TXNRD1: variants seen among roughly 807,000 people sequenced by gnomAD.
TXNRD1 encodes thioredoxin reductase 1.
Under a neutral mutation model 80.3 loss-of-function variants are expected in TXNRD1, and 57 were observed. That is an observed-to-expected ratio of 0.71 (90% CI 0.57 to 0.89). The LOEUF (loss-of-function observed/expected upper bound fraction) is 0.89, where lower values mean the gene tolerates loss of function less well. Ranked by LOEUF, TXNRD1 falls within the 40% of genes least tolerant of loss-of-function variation. The pLI is 0.00. For missense variants in TXNRD1, 730 were observed against 803.0 expected (o/e 0.91, Z 1.10); for synonymous variants, 291 against 285.2 (o/e 1.02, Z -0.20).
At chr12:104,229,737 C>T (rs144534743) in intron 1 of TXNRD1, among the ~76,000 whole-genome samples, 11,454 of 151,564 alleles carry the variant, frequency 0.076, 554 homozygotes, top group Middle Eastern at 0.17. Flanking sequence ...GGATTATAGG[C>T]GCACGCTACC....
In TXNRD1 at chr12:104,267,647, ATCTTTCTT is replaced by A. The variant is rs753275941; in HGVS notation, c.304+9616_304+9623del. 7.1e-5 allele frequency among the ~76,000 whole-genome samples: 10 copies of A among 140,462 alleles called. No homozygotes were observed. The East Asian group carries it at 8.2e-4, about 12-fold the overall frequency. 92.1% of individuals were successfully genotyped at this position (140,462 alleles called of 152,430 possible). A position where few individuals can be genotyped will look rare whatever the true frequency, so the allele number is the denominator to read the frequency against. ...GATAGGTGTTCCTAGATGTGATGGTATCTTTCTTTCTTTCTTTCTTTCTTTCTTTCTTT... is the reference window on the plus strand; with the variant it reads ...GATAGGTGTTCCTAGATGTGATGGTATCTTTCTTTCTTTCTTTCTTTCTTT... On this transcript the variant is annotated intron_variant, in intron 3 of 16. Transcript: ENST00000525566.
intron 3 of TXNRD1, among the ~76,000 whole-genome samples, chr12:104,270,278 T>C (rs1368962279): frequency 6.6e-6 from 1 of 152,230 alleles, no homozygotes; most frequent in Admixed American, 6.5e-5. Context: ...TATAGCCTTA[T>C]AAAATATATT....
intron 5 of TXNRD1, among the ~76,000 whole-genome samples, chr12:104,311,935 C>T (rs916738710): frequency 6.6e-6 from 1 of 151,790 alleles, no homozygotes; most frequent in African/African-American, 2.4e-5. Context: ...GAGCTGAGAT[C>T]GCACCATTGC....
At chr12:104,343,685 C>G (rs539473277) in intron 16 of TXNRD1, among the ~76,000 whole-genome samples, 9 of 152,132 alleles carry the variant, frequency 5.9e-5, no homozygotes, top group African/African-American at 2.2e-4. Context: ...CCTGTAATCC[C>G]AGCTATGTTG....
intron 4 of TXNRD1, among the ~76,000 whole-genome samples, chr12:104,292,501 C>G (rs531484258): frequency 6.6e-6 from 1 of 151,124 alleles, no homozygotes; most frequent in South Asian, 2.1e-4. Context: ...TGGTGTGGTT[C>G]TCCTGCCTCA....
At chr12:104,321,047 A>C in intron 9 of TXNRD1, 44 bp from the exon 10 acceptor site, 1 of 1,334,104 alleles carries the variant, frequency 7.5e-7, no homozygotes, top group Non-Finnish European at 1.1e-6. Flanking sequence ...TTATATAGGA[A>C]CTTTCTTTTT....
chr12:104,307,576 G>A (rs2034969588), intron 4 of TXNRD1, among the ~76,000 whole-genome samples: 1 of 152,230 alleles, frequency 6.6e-6, no homozygotes, highest in South Asian at 2.1e-4. Flanking sequence ...ACCTGGCCTT[G>A]TGAGTGGTAG....
chr12:104,313,494 A>G (rs540814702), intron 6 of TXNRD1, among the ~76,000 whole-genome samples, 177 bp downstream of exon 6: 2 of 152,330 alleles, frequency 1.3e-5, no homozygotes, highest in South Asian at 2.1e-4. Context: ...GTTAAATGCT[A>G]AAAATTTAGG....
At chr12:104,241,771 G>T (rs2032873585) in intron 1 of TXNRD1, among the ~76,000 whole-genome samples, 1 of 151,748 alleles carries the variant, frequency 6.6e-6, no homozygotes, top group African/African-American at 2.4e-5. Flanking sequence ...GAACTCCTAG[G>T]CTCAAGTGAT....
chr12:104,305,625 G>A (rs1697168910), intron 4 of TXNRD1, among the ~76,000 whole-genome samples: 1 of 152,232 alleles, frequency 6.6e-6, no homozygotes, highest in South Asian at 2.1e-4. Flanking sequence ...TTAGGCACGA[G>A]AGGACCATTA....
chr12:104,300,124 CAT>C (rs1466145118), intron 4 of TXNRD1, among the ~76,000 whole-genome samples: 1 of 152,170 alleles, frequency 6.6e-6, no homozygotes, highest in African/African-American at 2.4e-5. Flanking sequence ...TACAGGGAGA[CAT>C]GTGACCTTTG....
chr12:104,240,987 C>T (rs1448211741), intron 1 of TXNRD1, among the ~76,000 whole-genome samples: 17 of 151,242 alleles, frequency 1.1e-4, no homozygotes, highest in African/African-American at 1.9e-4. Context: ...GTGATCCGCC[C>T]GCCTCGGCCT....
chr12:104,296,008 A>G (rs2034425547), intron 4 of TXNRD1, among the ~76,000 whole-genome samples: 1 of 152,242 alleles, frequency 6.6e-6, no homozygotes, highest in Non-Finnish European at 1.5e-5. Context: ...GAAGGAGGTG[A>G]TATTATCCAG....
At chr12:104,307,596 T>C (rs1593803199) in intron 4 of TXNRD1, among the ~76,000 whole-genome samples, 3 of 152,316 alleles carry the variant, frequency 2.0e-5, no homozygotes, top group East Asian at 3.9e-4. Context: ...GAGCAAGTAT[T>C]TTAACGCAGG....
At chr12:104,254,582 A>G (rs2033197322) in intron 2 of TXNRD1, among the ~76,000 whole-genome samples, 2 of 142,530 alleles carry the variant, frequency 1.4e-5, no homozygotes, top group South Asian at 4.7e-4. Context: ...ACCTGAAGCC[A>G]GGAGTTCGAG....
intron 1 of TXNRD1, among the ~76,000 whole-genome samples, chr12:104,248,857 G>A (rs552801180): frequency 3.3e-5 from 5 of 151,424 alleles, no homozygotes; most frequent in African/African-American, 9.7e-5. Context: ...ATAGTCTCTC[G>A]CACTCTCACC....
chr12:104,265,666 C>T lies in TXNRD1; in HGVS notation c.304+7587C>T, dbSNP rs929353634. 39 of 1,605,560 alleles carry T rather than the reference C, an allele frequency of 2.4e-5. 1 individual carries two copies. Among genetic ancestry groups the T allele is most frequent in the Admixed American group, 2.3e-4 (14 of 59,992 alleles). ...AGACATGGGTGCCCGGCACCGCGCC[C>T]GAGCCCACTCCATTCAGATCATGAA... On this transcript the variant is annotated intron_variant, in intron 3 of 16. Coordinates refer to ENST00000525566, the MANE Select transcript of TXNRD1 (RefSeq NM_001093771.3).
chr12:104,313,620 A>G (rs1051995707), intron 6 of TXNRD1, among the ~76,000 whole-genome samples: 1 of 152,224 alleles, frequency 6.6e-6, no homozygotes, highest in Non-Finnish European at 1.5e-5. Flanking sequence ...TAAACTTTTC[A>G]TATGTGGATT....
At chr12:104,292,114 C>G (rs1485257567) in intron 4 of TXNRD1, among the ~76,000 whole-genome samples, 1 of 152,196 alleles carries the variant, frequency 6.6e-6, no homozygotes, top group Non-Finnish European at 1.5e-5. Context: ...ATCCCCTTTT[C>G]CCTGAATAAA....
Sources: allele counts gnomAD v4.1 joint callset (sites outside exome capture counted in the v4.1 genomes callset), GRCh38; gene constraint gnomAD v4.1.1; transcripts MANE v1.5; gene names NCBI Gene and HGNC (gene_info 2026-07-23, HGNC 2026-07-21).